ABTB2: variants seen among roughly 807,000 people sequenced by gnomAD.
ABTB2 encodes ankyrin repeat and BTB/POZ domain-containing protein 2.
Under a neutral mutation model 104.1 loss-of-function variants are expected in ABTB2, and 56 were observed. The observed-to-expected ratio is 0.54, with a 90% confidence interval of 0.43 to 0.67. ABTB2 has a LOEUF of 0.67. Ranked by LOEUF, ABTB2 falls within the 30% of genes least tolerant of loss-of-function variation. ABTB2 has a pLI of 0.00. For missense variants in ABTB2, 1,279 were observed against 1,407.7 expected, an observed-to-expected ratio of 0.91 and a Z score of 1.46; for synonymous variants, 606 against 608.2, an observed-to-expected ratio of 1.00 and a Z score of 0.05.
At chr11:34,354,299 A>AGG (rs368850296) in intron 1 of ABTB2, among the ~76,000 whole-genome samples, 1 of 151,984 alleles carries the variant, frequency 6.6e-6, no homozygotes, top group Non-Finnish European at 1.5e-5. Context: ...TTGTTTGGAA[A>AGG]GGGGGGGCAA....
chr11:34,247,158 C>A (rs919903067), intron 1 of ABTB2, among the ~76,000 whole-genome samples: 1 of 152,160 alleles, frequency 6.6e-6, no homozygotes, highest in Admixed American at 6.6e-5. Flanking sequence ...CCAGAAGTTC[C>A]ATTTCTTAAG....
intron 3 of ABTB2, among the ~76,000 whole-genome samples, chr11:34,181,462 T>G (rs1240317929): frequency 6.6e-6 from 1 of 152,124 alleles, no homozygotes; most frequent in Non-Finnish European, 1.5e-5. Flanking sequence ...AGAGGCCACA[T>G]GACCCGGGCC....
At position 34,164,777 on chromosome 11, in the gene ABTB2, G is replaced by C. The variant is rs773380107; in HGVS notation, c.1897C>G (p.Pro633Ala). 6.3e-7 allele frequency: 1 copy of C among 1,575,174 alleles called. No homozygotes were observed. Among genetic ancestry groups the C allele is most frequent in the African/African-American group, 1.4e-5 (1 of 71,832 alleles). The change falls in exon 9 of 17, where the codon CCC (proline) becomes GCC (alanine). Residue 633 changes from proline to alanine, a missense_variant. Coordinates refer to ENST00000435224, the MANE Select transcript of ABTB2 (RefSeq NM_145804.3). ...TGGGCCTCCAGCATGCTGAGGAGGG[G>C]GTCGGCGCCTCGGCTCAGCAACAAA... Reference protein sequence around the residue: ...VSLLLSRGADPLLSMLEAHGM... With the variant: ...VSLLLSRGADALLSMLEAHGM...
intron 1 of ABTB2, among the ~76,000 whole-genome samples, chr11:34,343,996 C>T (rs1414695287): frequency 1.3e-5 from 2 of 152,078 alleles, no homozygotes; most frequent in Admixed American, 1.3e-4. Context: ...CCTGAGCAGC[C>T]GAGGTCAAAG....
Position 34,334,016 on chromosome 11 carries a change from G to GA in ABTB2, c.883+22684dup, listed in dbSNP as rs5790985. On this transcript the variant is annotated intron_variant, in intron 1 of 16. Coordinates refer to ENST00000435224, the MANE Select transcript of ABTB2 (RefSeq NM_145804.3). ...CCACTAAGGGAAGGGAGCCACAGGTGAAAAAAAAAAAAAAAAGCCACAGGC... is the reference window on the plus strand; with the variant it reads ...CCACTAAGGGAAGGGAGCCACAGGTGAAAAAAAAAAAAAAAAAGCCACAGGC... Among the ~76,000 whole-genome samples the GA allele has an allele frequency of 4.0e-3, 484 of 119,942 alleles. 1 individual carries two copies. The highest frequency in any genetic ancestry group is 0.027 in the East Asian group (108 of 4,020). The allele number at this position is 119,942 out of a possible 152,430, so 78.7% of individuals were successfully genotyped here.
rs555799363 is a variant in ABTB2 at position 34,227,765 on chromosome 11, G to A, written c.884-23075C>T. 5.3e-5 allele frequency among the ~76,000 whole-genome samples: 8 copies of A among 151,062 alleles called. No individual in the cohort carries two copies. In the East Asian group the frequency reaches 1.6e-3, roughly 29 times the overall value. ...TTTTTATTTTCTGAGACGGAGTTTT[G>A]CTTCTGTCACCCAGGCTGGAGTGCA... is the stretch of plus-strand genomic sequence containing the variant. On this transcript the variant is annotated intron_variant, in intron 1 of 16. Coordinates refer to ENST00000435224, the MANE Select transcript of ABTB2 (RefSeq NM_145804.3).
chr11:34,164,298 T>C (rs545427925), intron 9 of ABTB2, among the ~76,000 whole-genome samples: 48 of 152,370 alleles, frequency 3.2e-4, no homozygotes, highest in Non-Finnish European at 6.6e-4. Flanking sequence ...CAGAAGCCTC[T>C]GCACAGCTGA....
chr11:34,317,091 T>C (rs1376258628), intron 1 of ABTB2, among the ~76,000 whole-genome samples: 1 of 152,204 alleles, frequency 6.6e-6, no homozygotes, highest in Non-Finnish European at 1.5e-5. Context: ...ACTAGAACAA[T>C]TCCAACCAGA....
intron 1 of ABTB2, among the ~76,000 whole-genome samples, chr11:34,240,364 C>T (rs1465713464): frequency 6.6e-6 from 1 of 152,218 alleles, no homozygotes; most frequent in African/African-American, 2.4e-5. Context: ...GAGCGATCCA[C>T]CTGGCCACTG....
At chr11:34,275,317 A>G (rs1854370861) in intron 1 of ABTB2, among the ~76,000 whole-genome samples, 1 of 152,144 alleles carries the variant, frequency 6.6e-6, no homozygotes, top group Non-Finnish European at 1.5e-5. Context: ...AATGAGCCCT[A>G]TTAATAATGG....
chr11:34,198,611 G>C (rs1214580085), intron 2 of ABTB2, among the ~76,000 whole-genome samples: 1 of 152,312 alleles, frequency 6.6e-6, no homozygotes, highest in African/African-American at 2.4e-5. Flanking sequence ...ATTCATGTCT[G>C]TTCGACTCCA....
chr11:34,305,367 C>G (rs930467050), intron 1 of ABTB2, among the ~76,000 whole-genome samples: 26 of 152,222 alleles, frequency 1.7e-4, no homozygotes, highest in Non-Finnish European at 1.6e-4. Flanking sequence ...GCACACTTCT[C>G]TCCTCAAAGA....
intron 1 of ABTB2, among the ~76,000 whole-genome samples, chr11:34,338,463 G>C (rs1002471451): frequency 3.3e-5 from 5 of 150,912 alleles, no homozygotes; most frequent in Non-Finnish European, 7.4e-5. Context: ...TTGGGAGGTC[G>C]AGGTGGGTAG....
intron 1 of ABTB2, among the ~76,000 whole-genome samples, chr11:34,352,251 T>G (rs1855407821): frequency 6.6e-6 from 1 of 152,234 alleles, no homozygotes; most frequent in South Asian, 2.1e-4. Flanking sequence ...GGTGAATAAC[T>G]GAATCATTCA....
chr11:34,269,676 C>A (rs1019012931), intron 1 of ABTB2, among the ~76,000 whole-genome samples: 1 of 152,328 alleles, frequency 6.6e-6, no homozygotes. Flanking sequence ...ATGCCATGTG[C>A]CATGGAACAT....
chr11:34,197,717 A>G (rs755131916), intron 2 of ABTB2, among the ~76,000 whole-genome samples, 179 bp from the exon 3 acceptor site: 1 of 152,220 alleles, frequency 6.6e-6, no homozygotes, highest in Non-Finnish European at 1.5e-5. Flanking sequence ...GATGCACAAT[A>G]GCAATTTCGT....
chr11:34,185,600 T>G (rs745706531), intron 3 of ABTB2, among the ~76,000 whole-genome samples: 3 of 152,122 alleles, frequency 2.0e-5, no homozygotes, highest in Non-Finnish European at 2.9e-5. Context: ...AGGTCACATG[T>G]CCAAGGTGAC....
chr11:34,244,647 C>T (rs1853962263), intron 1 of ABTB2, among the ~76,000 whole-genome samples: 1 of 152,202 alleles, frequency 6.6e-6, no homozygotes, highest in South Asian at 2.1e-4. Flanking sequence ...CTCCCAACCC[C>T]CAATGTACTC....
intron 13 of ABTB2, 122 bp downstream of exon 13, chr11:34,159,784 T>C (rs1000266013): frequency 3.9e-6 from 3 of 772,412 alleles, no homozygotes; most frequent in Admixed American, 4.6e-5. Context: ...GCAATGTGAC[T>C]GCAGTCTGAG....
Sources: gnomAD v4.1 joint callset for allele counts (sites outside exome capture counted in the v4.1 genomes callset) on GRCh38, gnomAD v4.1.1 for gene constraint, MANE v1.5 for transcripts, NCBI Gene and HGNC (gene_info 2026-07-23, HGNC 2026-07-21) for gene names.